The following TEK variants were observed in gnomAD, a reference collection of about 807,000 sequenced individuals.
The protein encoded by TEK is TEK receptor tyrosine kinase, also known as angiopoietin-1 receptor.
A neutral mutation model predicts 131.8 loss-of-function variants in TEK; 43 were observed. The observed-to-expected ratio is 0.33, with a 90% CI of 0.26 to 0.42. The LOEUF is 0.42. Among genes scored for constraint, TEK ranks in the 10% least tolerant of loss-of-function variants. The pLI, the probability that TEK is intolerant of heterozygous loss-of-function variation, is 1.00. For missense variants in TEK, 1,162 were observed against 1,384.4 expected (o/e 0.84, Z 2.55); for synonymous variants, 580 against 491.6 (o/e 1.18, Z -2.38).
At position 27,148,625 on chromosome 9, in the gene TEK, T is replaced by A. The variant is rs1823010511; in HGVS notation, c.53-9206T>A. Among the ~76,000 whole-genome samples the A allele has an allele frequency of 2.6e-5, 4 of 152,294 alleles. No individual in the cohort carries two copies. The South Asian group carries it at 8.3e-4, about 32-fold the overall frequency. ...GCCACATTGGCTAATCCTCCATTGATCAAAAGAAGTCCCATGGCCAAGCCT... is the reference window on the plus strand; with the variant it reads ...GCCACATTGGCTAATCCTCCATTGAACAAAAGAAGTCCCATGGCCAAGCCT... On this transcript the variant is annotated intron_variant, in intron 1 of 22. Transcript: ENST00000380036.
intron 1 of TEK, among the ~76,000 whole-genome samples, chr9:27,134,486 A>C (rs778306438): frequency 3.3e-5 from 5 of 152,250 alleles, no homozygotes; most frequent in Non-Finnish European, 5.9e-5. Flanking sequence ...TCTACGTTAC[A>C]CAGTCTAAGA....
Position 27,159,058 on chromosome 9 carries a change from A to G in TEK, c.364+916A>G, listed in dbSNP as rs76814228. On this transcript the variant is annotated intron_variant, in intron 2 of 22. Coordinates refer to ENST00000380036, the MANE Select transcript of TEK (RefSeq NM_000459.5). Reference sequence around the variant, plus strand: ...CATTTATAGCTTGTGAGTCTAAGTCAGCTGTGTTGATTAGATGGATGTATT... The same window carrying G: ...CATTTATAGCTTGTGAGTCTAAGTCGGCTGTGTTGATTAGATGGATGTATT... 6.1e-3 allele frequency among the ~76,000 whole-genome samples: 923 copies of G among 152,282 alleles called. 11 individuals are homozygous for G. The highest frequency in any genetic ancestry group is 0.022 in the African/African-American group (896 of 41,552).
intron 1 of TEK, among the ~76,000 whole-genome samples, chr9:27,138,619 A>G (rs889435914): frequency 5.9e-5 from 9 of 152,214 alleles, no homozygotes; most frequent in East Asian, 1.9e-4. Context: ...ATTTATATTC[A>G]GTAGTAAGCA....
chr9:27,221,124 T>C (rs2131249654), intron 21 of TEK, among the ~76,000 whole-genome samples: 1 of 152,250 alleles, frequency 6.6e-6, no homozygotes, highest in East Asian at 1.9e-4. Context: ...AGTAGGCGGT[T>C]TTCCCCTCAC....
chr9:27,179,836 T>G (rs79156841), intron 6 of TEK, among the ~76,000 whole-genome samples: 19,708 of 152,182 alleles, frequency 0.13, 1,450 homozygotes, highest in Admixed American at 0.23. Flanking sequence ...GCAGGTTTTC[T>G]TTGGAGTTGT....
At chr9:27,155,532 G>T (rs1324560936) in intron 1 of TEK, among the ~76,000 whole-genome samples, 1 of 152,178 alleles carries the variant, frequency 6.6e-6, no homozygotes, top group Non-Finnish European at 1.5e-5. Flanking sequence ...TTTGTACCAA[G>T]ATTATCCTCA....
At chr9:27,199,805 T>C (rs1233829886) in intron 12 of TEK, among the ~76,000 whole-genome samples, 1 of 152,204 alleles carries the variant, frequency 6.6e-6, no homozygotes, top group Non-Finnish European at 1.5e-5. Context: ...TATGTTCTCC[T>C]AATCCCTTTA....
chr9:27,162,890 A>C (rs1418975932), intron 2 of TEK, among the ~76,000 whole-genome samples: 1 of 151,892 alleles, frequency 6.6e-6, no homozygotes, highest in African/African-American at 2.4e-5. Context: ...TTGTTTTCGT[A>C]TTTTTAGTAG....
At position 27,173,270 on chromosome 9, in the gene TEK, G is replaced by A. The variant is rs372307879; in HGVS notation, c.809G>A (p.Gly270Glu). Residue 270 changes from glycine (G) to glutamate (E), a missense_variant, in exon 6 of 23, where the codon GGA (glycine) becomes GAA (glutamate). By Grantham distance (98) the Gly-to-Glu change is moderately conservative. Coordinates refer to ENST00000380036, the MANE Select transcript of TEK (RefSeq NM_000459.5). ...FGRTCKERCS[G>E]QEGCKSYVFC... The stretch of plus-strand genomic sequence containing the variant: ...AGAACTTGTAAAGAAAGGTGCAGTG[G>A]ACAAGAGGGATGCAAGTCTTATGTG... The A allele has an allele frequency of 8.0e-5, 129 of 1,613,952 alleles. No homozygotes were observed. Among genetic ancestry groups the A allele is most frequent in the Non-Finnish European group, 9.8e-5 (116 of 1,179,972 alleles).
chr9:27,229,051 G>A (rs552649951), intron 22 of TEK, 107 bp from the exon 23 acceptor site: 1 of 907,984 alleles, frequency 1.1e-6, no homozygotes, highest in East Asian at 2.4e-5. Context: ...CAAGTGCTTA[G>A]TATATGAGTT....
chr9:27,137,730 GCTCA>G (rs902172147), intron 1 of TEK, among the ~76,000 whole-genome samples: 14 of 152,214 alleles, frequency 9.2e-5, no homozygotes, highest in African/African-American at 3.1e-4. Flanking sequence ...GATCCCAGAG[GCTCA>G]CTATTGTGAA....
intron 22 of TEK, 78 bp from the exon 23 acceptor site, chr9:27,229,080 C>G: frequency 7.5e-7 from 1 of 1,324,514 alleles, no homozygotes; most frequent in Non-Finnish European, 1.1e-6. Flanking sequence ...CTAAGAAAAC[C>G]AAGGTATTGC....
chr9:27,212,696 C>T lies in TEK; in HGVS notation c.2687-11C>T. On this transcript the variant is annotated splice_polypyrimidine_tract_variant and intron_variant, in intron 16 of 22. Transcript: ENST00000380036. ...CCACTGATGAGTCGATGCTCTCTTC[C>T]TTCCCTCCAGGCTACTTGTACCTGG... 1 of 1,614,056 alleles carries T rather than the reference C, an allele frequency of 6.2e-7. No homozygotes were observed. The highest frequency in any genetic ancestry group is 8.5e-7 in the Non-Finnish European group (1 of 1,179,984).
chr9:27,115,904 CT>C (rs1484972105), intron 1 of TEK, among the ~76,000 whole-genome samples: 2 of 152,200 alleles, frequency 1.3e-5, no homozygotes, highest in African/African-American at 4.8e-5. Context: ...TAGGTTGTCC[CT>C]CATTCTGTAC....
chr9:27,123,705 G>T (rs1587482617), intron 1 of TEK, among the ~76,000 whole-genome samples: 1 of 152,150 alleles, frequency 6.6e-6, no homozygotes, highest in Non-Finnish European at 1.5e-5. Flanking sequence ...TCATTTTACA[G>T]ATGACAACAC....
rs143696235 is a variant in TEK, at chr9:27,228,081, G to T, written c.3201-125G>T. The T allele has an allele frequency of 6.4e-5, 45 of 703,326 alleles. No individual in the cohort carries two copies. In the East Asian group the frequency reaches 1.2e-3, roughly 19 times the overall value. The allele number at this position is 703,326 out of a possible 1,614,324, so 43.6% of individuals were successfully genotyped here. On this transcript the variant is annotated intron_variant, in intron 21 of 22. Transcript: ENST00000380036. ...GGAGTCCTCATAGAAACTTCCTAGG[G>T]GCTGTACTTTGGTTAAGCTTCATAA...
intron 1 of TEK, among the ~76,000 whole-genome samples, chr9:27,137,838 C>CT (rs200367073): frequency 0.013 from 1,955 of 151,724 alleles, 11 homozygotes; most frequent in Middle Eastern, 0.02. Context: ...TGTATTAGTT[C>CT]TTTTGTGTCC....
intron 2 of TEK, among the ~76,000 whole-genome samples, chr9:27,163,344 G>C (rs528912098): frequency 1.6e-4 from 24 of 152,284 alleles, no homozygotes; most frequent in African/African-American, 5.5e-4. Context: ...TATATACCAT[G>C]AGTGGGGCTA....
intron 6 of TEK, among the ~76,000 whole-genome samples, chr9:27,179,828 A>C (rs1379847241): frequency 6.6e-6 from 1 of 152,122 alleles, no homozygotes; most frequent in Admixed American, 6.6e-5. Context: ...AGTAGACTGC[A>C]GGTTTTCTTT....
Sources: gnomAD v4.1 joint callset for allele counts (sites outside exome capture counted in the v4.1 genomes callset) on GRCh38, gnomAD v4.1.1 for gene constraint, MANE v1.5 for transcripts, NCBI Gene and HGNC (gene_info 2026-07-23, HGNC 2026-07-21) for gene names.